Variants in THAP4 observed in about 807,000 individuals in gnomAD.
THAP4 encodes the protein THAP domain containing 4, also known as peroxynitrite isomerase THAP4.
In THAP4, 18 loss-of-function variants were observed where a neutral mutation model predicts 48.1. The observed-to-expected ratio is 0.37, with a 90% CI of 0.26 to 0.56. The LOEUF (loss-of-function observed/expected upper bound fraction) is 0.56, where lower values mean the gene tolerates loss of function less well. Among genes scored for constraint, THAP4 ranks in the 20% least tolerant of loss-of-function variants. The probability of loss-of-function intolerance (pLI) is 0.78; values close to 1 mark genes in which losing one functional copy is unlikely to be tolerated. For missense variants in THAP4, 656 were observed against 774.9 expected (o/e 0.85, Z 1.82); for synonymous variants, 345 against 324.9 (o/e 1.06, Z -0.66).
intron 2 of THAP4, among the ~76,000 whole-genome samples, chr2:241,625,788 A>T (rs1239200673): frequency 5.1e-5 from 6 of 117,308 alleles, no homozygotes; most frequent in Admixed American, 1.0e-4. Flanking sequence ...ACAGAGCAAG[A>T]CTCCGTCTCA....
intron 5 of THAP4, among the ~76,000 whole-genome samples, chr2:241,590,845 G>A (rs1438425626): frequency 2.0e-5 from 3 of 147,120 alleles, no homozygotes; most frequent in Non-Finnish European, 4.6e-5. Context: ...CCCGGCTGAC[G>A]ATAATGGGCA....
Position 241,633,179 on chromosome 2 carries a change from C to T in THAP4, c.978G>A (p.Met326Ile). Residue 326 changes from methionine to isoleucine, a missense_variant, in exon 2 of 6, where the codon ATG (methionine) becomes ATA (isoleucine). Physicochemically the swap from Met to Ile is conservative, Grantham distance 10. Coordinates refer to ENST00000407315, the MANE Select transcript of THAP4 (RefSeq NM_015963.6). This position sits in a 1 kb window ranked among gnomAD's most constrained non-coding sequence, Gnocchi z 7.5. The stretch of plus-strand genomic sequence containing the variant: ...CCGACAGGATGACCTCGTTGATGGA[C>T]ATGGGGCTGGCGTCGCTGTGCTCGC... Reference protein sequence around the residue: ...VQSEHSDASPMSINEVILSAS... With the variant: ...VQSEHSDASPISINEVILSAS... 6.2e-7 allele frequency: 1 copy of T among 1,608,712 alleles called. No individual in the cohort carries two copies. The highest frequency in any genetic ancestry group is 8.5e-7 in the Non-Finnish European group (1 of 1,176,656).
At chr2:241,617,329 A>G in intron 2 of THAP4, 1 of 1,059,188 alleles carries the variant, frequency 9.4e-7, no homozygotes, top group Non-Finnish European at 1.4e-6. Context: ...AATCTCAACC[A>G]AAACACAAAA....
At chr2:241,637,571 C>T (rs527853563), upstream of THAP4, 108 of 1,503,934 alleles carry the variant, frequency 7.2e-5, 1 homozygote, top group Admixed American at 1.3e-3. Context: ...ATGGCGGCTC[C>T]CGCGTATTTC....
intron 2 of THAP4, among the ~76,000 whole-genome samples, chr2:241,623,326 T>C (rs956382772): frequency 6.6e-6 from 1 of 152,132 alleles, no homozygotes; most frequent in East Asian, 1.9e-4. Flanking sequence ...ACGTCTGTAA[T>C]CCCAGCACTT....
At chr2:241,629,132 C>T (rs1397503321) in intron 2 of THAP4, among the ~76,000 whole-genome samples, 5 of 152,018 alleles carry the variant, frequency 3.3e-5, no homozygotes, top group Admixed American at 1.3e-4. Flanking sequence ...GACCGATCAG[C>T]TCTCAACAGT....
chr2:241,633,764 C>A lies in THAP4; in HGVS notation c.393G>T (p.Ser131=), dbSNP rs191058185. ...CTGGCTTGGCCATCGGGTTTCCACT[C>A]GAGGACGGTGACCAACCTGCAGCTC... ...SRGAAGWSPS[S]SGNPMAKPES... The change falls in exon 2 of 6, where the codon TCG becomes TCT. Residue 131 remains serine, a synonymous_variant. Transcript: ENST00000407315. This position sits in a 1 kb window ranked among gnomAD's most constrained non-coding sequence, Gnocchi z 7.5. 2.9e-5 allele frequency: 46 copies of A among 1,613,114 alleles called. No homozygotes were observed. The highest frequency in any genetic ancestry group is 4.0e-5 in the African/African-American group (3 of 74,924).
chr2:241,584,440 C>A lies in THAP4; in HGVS notation c.*166G>T. The stretch of plus-strand genomic sequence containing the variant: ...AATCCTCAGCCATAAAAATAAAGGC[C>A]TTTTATTTGGTTTTTCTATGCCAGT... On this transcript the variant is annotated 3_prime_UTR_variant, in exon 6 of 6. Transcript: ENST00000407315. 1 of 675,154 alleles carries A rather than the reference C, an allele frequency of 1.5e-6. No individual in the cohort carries two copies. The highest frequency in any genetic ancestry group is 2.5e-6 in the Non-Finnish European group (1 of 398,892). 41.8% of individuals were successfully genotyped at this position (675,154 alleles called of 1,614,324 possible).
chr2:241,629,347 T>C (rs142425659), intron 2 of THAP4, among the ~76,000 whole-genome samples: 22,308 of 151,766 alleles, frequency 0.15, 1,897 homozygotes, highest in South Asian at 0.37. Context: ...GGTATGTGCC[T>C]GTAGTCCCAG....
chr2:241,633,147 CCT>C lies in THAP4; in HGVS notation c.1008_1009del (p.Ala338LeufsTer58). The C allele has an allele frequency of 1.2e-6, 2 of 1,610,350 alleles. No individual in the cohort carries two copies. The highest frequency in any genetic ancestry group is 1.7e-6 in the Non-Finnish European group (2 of 1,177,736). Reference sequence around the variant, plus strand: ...CAGTGAGTCGATGAGCTTGCAGGCCCCTGACGCCGACAGGATGACCTCGTTGA... The same window carrying C: ...CAGTGAGTCGATGAGCTTGCAGGCCCGACGCCGACAGGATGACCTCGTTGA... On this transcript the variant is annotated frameshift_variant, in exon 2 of 6. Coordinates refer to ENST00000407315, the MANE Select transcript of THAP4 (RefSeq NM_015963.6). LOFTEE classifies it high-confidence loss of function. The surrounding 1 kb of genome is among the most constrained non-coding windows in gnomAD (Gnocchi z 7.5).
intron 2 of THAP4, among the ~76,000 whole-genome samples, chr2:241,630,645 G>A (rs1033410967): frequency 1.3e-5 from 2 of 152,148 alleles, no homozygotes; most frequent in African/African-American, 4.8e-5. Context: ...TGGGTGTGGT[G>A]GCGCATGCCT....
rs1477610157 is a variant in THAP4, at chr2:241,601,013, T to C, written c.1614+883A>G. On this transcript the variant is annotated intron_variant, in intron 5 of 5. Coordinates refer to ENST00000407315, the MANE Select transcript of THAP4 (RefSeq NM_015963.6). The surrounding 1 kb of genome is among the most constrained non-coding windows in gnomAD (Gnocchi z 4.0). The stretch of plus-strand genomic sequence containing the variant: ...GGACAATCTGGCCGGGCACGGTTGT[T>C]CATACCTGTAATCCCAGCACTTTGG... Among the ~76,000 whole-genome samples the C allele has an allele frequency of 6.6e-6, 1 of 150,480 alleles. No homozygotes were observed. Among genetic ancestry groups the C allele is most frequent in the East Asian group, 1.9e-4 (1 of 5,144 alleles).
At chr2:241,587,342 G>A (rs1001631320) in intron 5 of THAP4, among the ~76,000 whole-genome samples, 4 of 152,050 alleles carry the variant, frequency 2.6e-5, no homozygotes, top group South Asian at 2.1e-4. Flanking sequence ...CAGGCCCCCC[G>A]ACCTTTGGAC....
At chr2:241,622,756 T>C (rs751657171) in intron 2 of THAP4, among the ~76,000 whole-genome samples, 2 of 152,002 alleles carry the variant, frequency 1.3e-5, no homozygotes, top group South Asian at 2.1e-4. Context: ...TGCATCACCA[T>C]GCCTAGCTAA....
intron 1 of THAP4, among the ~76,000 whole-genome samples, chr2:241,636,545 G>A (rs1389331480): frequency 2.0e-5 from 3 of 152,372 alleles, no homozygotes; most frequent in African/African-American, 4.8e-5. Flanking sequence ...TGTCAGCTAC[G>A]GAGGCGCAGG....
chr2:241,637,377 C>T (rs2125104834), upstream of THAP4: 2 of 1,391,908 alleles, frequency 1.4e-6, no homozygotes, highest in Non-Finnish European at 1.9e-6. Context: ...GATGGCTGCT[C>T]GGACGGGGAC....
chr2:241,622,057 T>C (rs1362340882), intron 2 of THAP4, among the ~76,000 whole-genome samples: 1 of 152,156 alleles, frequency 6.6e-6, no homozygotes, highest in Non-Finnish European at 1.5e-5. Flanking sequence ...TCTAAATCTC[T>C]GAAAAAGAAA....
chr2:241,636,268 C>T (rs1211946689), intron 1 of THAP4, among the ~76,000 whole-genome samples: 1 of 152,252 alleles, frequency 6.6e-6, no homozygotes, highest in Non-Finnish European at 1.5e-5. Context: ...AGAAACATCT[C>T]CAAAGTGGTT....
At chr2:241,588,724 G>A (rs1575015216) in intron 5 of THAP4, among the ~76,000 whole-genome samples, 4 of 152,258 alleles carry the variant, frequency 2.6e-5, no homozygotes, top group Middle Eastern at 3.4e-3. Context: ...GTATCTGTAT[G>A]AGGAAAAATG....
Sources: allele counts gnomAD v4.1 joint callset (sites outside exome capture counted in the v4.1 genomes callset), GRCh38; gene constraint gnomAD v4.1.1; non-coding constraint Gnocchi (gnomAD v3.1); transcripts MANE v1.5; gene names NCBI Gene and HGNC (gene_info 2026-07-23, HGNC 2026-07-21).